Variants in ATAD3A observed in about 807,000 individuals in gnomAD.
ATAD3A encodes ATPase family AAA domain-containing protein 3A.
In ATAD3A, 46 loss-of-function variants were observed where a neutral mutation model predicts 73.8. The ratio of observed to expected loss-of-function variants is 0.62; its 90% CI spans 0.49 to 0.80. The LOEUF (loss-of-function observed/expected upper bound fraction) is 0.80, where lower values mean the gene tolerates loss of function less well. Among genes scored for constraint, ATAD3A ranks in the 30% least tolerant of loss-of-function variants. ATAD3A has a pLI of 0.00. For missense variants in ATAD3A, 705 were observed against 838.0 expected, an observed-to-expected ratio of 0.84 and a Z score of 1.96; for synonymous variants, 319 against 350.0, an observed-to-expected ratio of 0.91 and a Z score of 0.99.
At position 1,534,399 on chromosome 1, in the gene ATAD3A, T is replaced by G; in HGVS notation, c.*327T>G. On this transcript the variant is annotated 3_prime_UTR_variant, in exon 16 of 16. Transcript: ENST00000378756. Reference sequence around the variant, plus strand: ...GGCCACTGTGAGGGTGGGTGCTGGCTGAGCCCCCGGGGCAGCAGGAGCCAG... The same window carrying G: ...GGCCACTGTGAGGGTGGGTGCTGGCGGAGCCCCCGGGGCAGCAGGAGCCAG... 1 of 1,327,862 alleles carries G rather than the reference T, an allele frequency of 7.5e-7. No homozygotes were observed. The highest frequency in any genetic ancestry group is 2.8e-5 in the East Asian group (1 of 35,808). The allele number at this position is 1,327,862 out of a possible 1,614,324, so 82.3% of individuals were successfully genotyped here.
intron 13 of ATAD3A, 110 bp from the exon 14 acceptor site, chr1:1,527,585 G>A (rs985379930): frequency 9.6e-5 from 133 of 1,384,948 alleles, no homozygotes; most frequent in Non-Finnish European, 1.2e-4. Context: ...CCGTGTCCTC[G>A]TGTTTCCCGC....
intron 15 of ATAD3A, among the ~76,000 whole-genome samples, chr1:1,532,877 T>G (rs1487737939): frequency 6.7e-6 from 1 of 149,020 alleles, no homozygotes; most frequent in Non-Finnish European, 1.5e-5. Flanking sequence ...CAGTGTCTCC[T>G]GCACTCCGGG....
intron 1 of ATAD3A, among the ~76,000 whole-genome samples, chr1:1,515,463 G>C (rs1463088240): frequency 6.6e-6 from 1 of 152,158 alleles, no homozygotes; most frequent in Non-Finnish European, 1.5e-5. Flanking sequence ...CAGCAGCTCA[G>C]AGAATACGTA....
intron 1 of ATAD3A, among the ~76,000 whole-genome samples, chr1:1,514,274 C>T (rs1363546034): frequency 6.6e-6 from 1 of 151,918 alleles, no homozygotes; most frequent in East Asian, 1.9e-4. Context: ...GCCAAAGGTC[C>T]CCTCGGGAGG....
intron 1 of ATAD3A, among the ~76,000 whole-genome samples, chr1:1,513,326 C>G (rs1049855394): frequency 2.1e-4 from 32 of 151,450 alleles, no homozygotes; most frequent in African/African-American, 7.8e-4. Flanking sequence ...GAGATTGAAA[C>G]TTCTCCCACT....
chr1:1,524,255 C>G lies in ATAD3A; in HGVS notation c.1090-18C>G, dbSNP rs368837860. 1 of 1,613,822 alleles carries G rather than the reference C, an allele frequency of 6.2e-7. No individual in the cohort carries two copies. Among genetic ancestry groups the G allele is most frequent in the South Asian group, 1.1e-5 (1 of 91,088 alleles). ...GGAGGGAACATCTGCTCTGTCTCCC[C>G]TCACTCTTCCTGTCCAGAAACTCGC... On this transcript the variant is annotated intron_variant, in intron 10 of 15. Transcript: ENST00000378756.
chr1:1,526,338 T>C, intron 12 of ATAD3A, 123 bp from the exon 13 acceptor site: 1 of 1,556,592 alleles, frequency 6.4e-7, no homozygotes. Context: ...CTTTTGAGAG[T>C]AGATCCATGA....
rs112751205 is a variant in ATAD3A, at chr1:1,523,748, C to T, written c.964-91C>T. On this transcript the variant is annotated intron_variant, in intron 9 of 15. Coordinates refer to ENST00000378756, the MANE Select transcript of ATAD3A (RefSeq NM_001170535.3). This position sits in a 1 kb window ranked among gnomAD's most constrained non-coding sequence, Gnocchi z 5.1. Reference sequence around the variant, plus strand: ...TGAGGTGGGAGGCTTCCCGAGGAGCCGAGTCTGCACCCAGGCATTCCCGCA... The same window carrying T: ...TGAGGTGGGAGGCTTCCCGAGGAGCTGAGTCTGCACCCAGGCATTCCCGCA... 5.6e-5 allele frequency: 90 copies of T among 1,596,424 alleles called. No homozygotes were observed. The African/African-American group carries it at 8.3e-4, about 15-fold the overall frequency.
intron 2 of ATAD3A, chr1:1,516,962 T>G: frequency 1.1e-6 from 1 of 888,450 alleles, no homozygotes; most frequent in Non-Finnish European, 1.7e-6. Context: ...TCCACCCACT[T>G]TGGCCTCCCA....
intron 7 of ATAD3A, among the ~76,000 whole-genome samples, chr1:1,521,513 C>T (rs1420038951): frequency 2.6e-5 from 4 of 152,166 alleles, no homozygotes; most frequent in African/African-American, 9.7e-5. Context: ...CCCCGCCCAG[C>T]ACACGGTAGG....
At chr1:1,515,274 A>C (rs1437857071) in intron 1 of ATAD3A, among the ~76,000 whole-genome samples, 1 of 152,016 alleles carries the variant, frequency 6.6e-6, no homozygotes, top group Admixed American at 6.6e-5. Context: ...ATGGGGTTTC[A>C]CCACATTGGT....
chr1:1,515,851 C>A (rs1431211330), intron 1 of ATAD3A, among the ~76,000 whole-genome samples, 161 bp from the exon 2 acceptor site: 1 of 152,208 alleles, frequency 6.6e-6, no homozygotes, highest in Admixed American at 6.5e-5. Flanking sequence ...GGTGCATCGT[C>A]ACGCCAGGTC....
rs1182786525 is a variant in ATAD3A at position 1,530,778 on chromosome 1, G to A, written c.1614+1447G>A. Among the ~76,000 whole-genome samples, 8 of 91,250 alleles carry A rather than the reference G, an allele frequency of 8.8e-5. 1 individual carries two copies. In the South Asian group the frequency reaches 3.0e-3, roughly 35 times the overall value. 59.9% of individuals were successfully genotyped at this position (91,250 alleles called of 152,430 possible). On this transcript the variant is annotated intron_variant, in intron 15 of 15. Coordinates refer to ENST00000378756, the MANE Select transcript of ATAD3A (RefSeq NM_001170535.3). ...CGGGAGGCGGAGCTTGCAGTGAGCC[G>A]AGATCCCGCCACTGCACTCCAGCCT...
At chr1:1,516,562 G>C (rs545879547) in intron 2 of ATAD3A, among the ~76,000 whole-genome samples, 1 of 151,964 alleles carries the variant, frequency 6.6e-6, no homozygotes, top group Non-Finnish European at 1.5e-5. Flanking sequence ...ACAGGCACCC[G>C]CCACCACACC....
At chr1:1,533,600 C>T (rs547623632) in intron 15 of ATAD3A, among the ~76,000 whole-genome samples, 56 of 152,306 alleles carry the variant, frequency 3.7e-4, no homozygotes, top group African/African-American at 1.2e-3. Context: ...ACGGCTGAGA[C>T]TCGCAGAGGG....
rs9700773 is a variant in ATAD3A, at chr1:1,520,023, T to C, written c.515-118T>C. 15 of 1,388,148 alleles carry C rather than the reference T, an allele frequency of 1.1e-5. No individual in the cohort carries two copies. Among genetic ancestry groups the C allele is most frequent in the Non-Finnish European group, 1.2e-5 (13 of 1,057,586 alleles). 86.0% of individuals were successfully genotyped at this position (1,388,148 alleles called of 1,614,324 possible). On this transcript the variant is annotated intron_variant, in intron 5 of 15. Transcript: ENST00000378756. This position sits in a 1 kb window ranked among gnomAD's most constrained non-coding sequence, Gnocchi z 4.0. The stretch of plus-strand genomic sequence containing the variant: ...GGCCGGTCCGTGGCATGGGCCTGTC[T>C]GTGGCGTTGGTCTGTCCGTGGCGTG...
chr1:1,533,053 G>T (rs928433232), intron 15 of ATAD3A, among the ~76,000 whole-genome samples: 2 of 152,372 alleles, frequency 1.3e-5, no homozygotes, highest in East Asian at 3.9e-4. Context: ...TCATCCCCAT[G>T]GCAGGTTCCG....
At chr1:1,517,610 G>A (rs1299721702) in intron 3 of ATAD3A, 106 bp from the exon 4 acceptor site, 2 of 787,578 alleles carry the variant, frequency 2.5e-6, no homozygotes, top group Admixed American at 5.1e-5. Flanking sequence ...GCCTCCCCAC[G>A]TTTGTGTGAG....
intron 12 of ATAD3A, 108 bp downstream of exon 12, chr1:1,525,399 T>G: frequency 7.2e-7 from 1 of 1,385,720 alleles, no homozygotes; most frequent in Non-Finnish European, 9.9e-7. Context: ...CTGTAAGCTT[T>G]GTGTGAAAAA....
Sources: allele counts gnomAD v4.1 joint callset (sites outside exome capture counted in the v4.1 genomes callset), GRCh38; gene constraint gnomAD v4.1.1; non-coding constraint Gnocchi (gnomAD v3.1); transcripts MANE v1.5; gene names NCBI Gene and HGNC (gene_info 2026-07-23, HGNC 2026-07-21).